Variants in IFITM10 observed in about 807,000 individuals in gnomAD.
IFITM10 encodes the protein interferon-induced transmembrane protein 10.
A neutral mutation model predicts 19.0 loss-of-function variants in IFITM10; 17 were observed. The ratio of observed to expected loss-of-function variants is 0.90; its 90% CI spans 0.61 to 1.34. The LOEUF (loss-of-function observed/expected upper bound fraction) is 1.34, where lower values mean the gene tolerates loss of function less well. Among genes scored for constraint, IFITM10 ranks in the 40% most tolerant of loss-of-function variants. The pLI is 0.00. For synonymous variants in IFITM10, 148 were observed against 147.2 expected, an observed-to-expected ratio of 1.01 and a Z score of -0.04; for missense variants, 306 against 319.8, an observed-to-expected ratio of 0.96 and a Z score of 0.33.
At chr11:1,735,479 C>T (rs530011626) in intron 2 of IFITM10, 50 bp from the exon 3 acceptor site, 6 of 1,527,366 alleles carry the variant, frequency 3.9e-6, no homozygotes, top group South Asian at 1.2e-5. Context: ...GGGAGCAGGG[C>T]CTTGGAGCAT....
chr11:1,745,549 T>G (rs975554033), intron 2 of IFITM10: 2 of 152,592 alleles, frequency 1.3e-5, no homozygotes, highest in African/African-American at 4.8e-5. Context: ...TGCACACACA[T>G]TTACACGTAC....
In IFITM10 at chr11:1,747,721, G is replaced by A. The variant is rs2133650583; in HGVS notation, c.483C>T (p.Phe161=). 6.4e-7 allele frequency: 1 copy of A among 1,551,822 alleles called. No homozygotes were observed. Reference sequence around the variant, plus strand: ...CCAGGCAGCAGAAGTTGAGGTAGACGAAGTTGAAGATGGACCACAGGTAAT... The same window carrying A: ...CCAGGCAGCAGAAGTTGAGGTAGACAAAGTTGAAGATGGACCACAGGTAAT... ...NDYYLWSIFN[F]VYLNFCCLGF... is the part of the protein sequence containing the mutation. Residue 161 remains phenylalanine (F), a synonymous_variant, in exon 2 of 3, where the codon TTC becomes TTT. Coordinates refer to ENST00000340134, the MANE Select transcript of IFITM10 (RefSeq NM_001170820.4).
chr11:1,748,293 G>C, intron 1 of IFITM10, 174 bp from the exon 2 acceptor site: 1 of 462,962 alleles, frequency 2.2e-6, no homozygotes, highest in Non-Finnish European at 3.6e-6. Flanking sequence ...GGCCACGGAC[G>C]ATGCCAAAGC....
Position 1,735,334 on chromosome 11 carries a change from G to A in IFITM10, c.633C>T (p.Ala211=). The change falls in exon 3 of 3, where the codon GCC becomes GCT. Residue 211 remains alanine (A), a synonymous_variant. Coordinates refer to ENST00000340134, the MANE Select transcript of IFITM10 (RefSeq NM_001170820.4). ...LFNITSSALA[A]SCIILVFIFL... is the part of the protein sequence containing the mutation. ...AGATGAAGACGAGGATGATGCAGGA[G>A]GCTGCCAGGGCAGAACTGGTGATGT... 1 of 1,551,752 alleles carries A rather than the reference G, an allele frequency of 6.4e-7. No individual in the cohort carries two copies. Among genetic ancestry groups the A allele is most frequent in the Non-Finnish European group, 8.7e-7 (1 of 1,146,994 alleles).
chr11:1,738,063 G>T (rs543581327), intron 2 of IFITM10, among the ~76,000 whole-genome samples: 4 of 152,176 alleles, frequency 2.6e-5, no homozygotes, highest in Admixed American at 1.3e-4. Context: ...TCTAATGATC[G>T]GGAAGGTGGG....
At chr11:1,747,640 T>C (rs1344194090) in intron 2 of IFITM10, 27 bp downstream of exon 2, 1 of 1,547,512 alleles carries the variant, frequency 6.5e-7, no homozygotes, top group Non-Finnish European at 8.7e-7. Flanking sequence ...TAGCCCGCCC[T>C]TGCCCCCTGC....
chr11:1,739,918 G>T (rs1272645575), intron 2 of IFITM10, among the ~76,000 whole-genome samples: 1 of 152,138 alleles, frequency 6.6e-6, no homozygotes, highest in African/African-American at 2.4e-5. Context: ...CACGGTGCAG[G>T]CTCTGTGGGT....
intron 2 of IFITM10, among the ~76,000 whole-genome samples, chr11:1,741,744 G>A (rs1477493266): frequency 6.6e-6 from 1 of 152,102 alleles, no homozygotes; most frequent in African/African-American, 2.4e-5. Context: ...ACATATAAGT[G>A]GATGAAAGGG....
At chr11:1,736,841 G>C (rs1359682459) in intron 2 of IFITM10, among the ~76,000 whole-genome samples, 2 of 151,990 alleles carry the variant, frequency 1.3e-5, no homozygotes, top group Non-Finnish European at 2.9e-5. Context: ...GGATGGAGTG[G>C]AGTCAATGGA....
chr11:1,748,215 G>T, intron 1 of IFITM10, 96 bp from the exon 2 acceptor site: 1 of 973,572 alleles, frequency 1.0e-6, no homozygotes, highest in Non-Finnish European at 1.3e-6. Context: ...AGTGGAGACG[G>T]AAATCCCTGC....
chr11:1,735,691 A>T (rs886785077), intron 2 of IFITM10, among the ~76,000 whole-genome samples: 4 of 152,190 alleles, frequency 2.6e-5, no homozygotes, highest in Non-Finnish European at 5.9e-5. Context: ...AGATGTATTT[A>T]TATATATAGA....
chr11:1,747,911 G>C lies in IFITM10; in HGVS notation c.293C>G (p.Pro98Arg). The C allele has an allele frequency of 1.3e-6, 2 of 1,498,556 alleles. No homozygotes were observed. The highest frequency in any genetic ancestry group is 1.8e-6 in the Non-Finnish European group (2 of 1,119,220). The allele number at this position is 1,498,556 out of a possible 1,614,324, so 92.8% of individuals were successfully genotyped here. A position where few individuals can be genotyped will look rare whatever the true frequency, so the allele number is the denominator to read the frequency against. Residue 98 changes from proline (P) to arginine (R), a missense_variant, in exon 2 of 3, where the codon CCG (proline) becomes CGG (arginine). Coordinates refer to ENST00000340134, the MANE Select transcript of IFITM10 (RefSeq NM_001170820.4). ...CATGGGGAACAGTGTGGGCGCCATCGGGGGAGAGGCCGAGGGCTCAGGGGC... is the reference window on the plus strand; with the variant it reads ...CATGGGGAACAGTGTGGGCGCCATCCGGGGAGAGGCCGAGGGCTCAGGGGC... ...APAPEPSASP[P>R]MAPTLFPMES...
chr11:1,737,407 T>G (rs909329208), intron 2 of IFITM10, among the ~76,000 whole-genome samples: 1 of 152,200 alleles, frequency 6.6e-6, no homozygotes, highest in Non-Finnish European at 1.5e-5. Flanking sequence ...GCATAGAGGT[T>G]AAAGCACAGA....
rs1435400953 is a variant in IFITM10 at position 1,733,065 on chromosome 11, C to A, written c.*2215G>T. On this transcript the variant is annotated 3_prime_UTR_variant, in exon 3 of 3. Coordinates refer to ENST00000340134, the MANE Select transcript of IFITM10 (RefSeq NM_001170820.4). The surrounding 1 kb of genome is among the most constrained non-coding windows in gnomAD (Gnocchi z 6.3). The stretch of plus-strand genomic sequence containing the variant: ...GCCAGGACCCTCTCTCTTCCAAGGC[C>A]CAGCAGCCTCTGCCATCCTCTTCCA... 2 of 152,590 alleles carry A rather than the reference C, an allele frequency of 1.3e-5. No homozygotes were observed. The highest frequency in any genetic ancestry group is 2.9e-5 in the Non-Finnish European group (2 of 68,406). 9.5% of individuals were successfully genotyped at this position (152,590 alleles called of 1,614,324 possible).
intron 2 of IFITM10, among the ~76,000 whole-genome samples, chr11:1,738,124 G>T (rs991477653): frequency 6.6e-6 from 1 of 152,152 alleles, no homozygotes; most frequent in African/African-American, 2.4e-5. Context: ...ATGGGACAGA[G>T]AAATGGATGT....
Position 1,734,102 on chromosome 11 carries a change from C to G in IFITM10, c.*1178G>C, listed in dbSNP as rs567789396. The G allele has an allele frequency of 4.6e-5, 7 of 152,522 alleles. No individual in the cohort carries two copies. Among genetic ancestry groups the G allele is most frequent in the Admixed American group, 4.6e-4 (7 of 15,290 alleles). 9.4% of individuals were successfully genotyped at this position (152,522 alleles called of 1,614,324 possible). A position where few individuals can be genotyped will look rare whatever the true frequency, so the allele number is the denominator to read the frequency against. On this transcript the variant is annotated 3_prime_UTR_variant, in exon 3 of 3. Coordinates refer to ENST00000340134, the MANE Select transcript of IFITM10 (RefSeq NM_001170820.4). ...AGCTCCACACCCATGGCCACTGCCT[C>G]GGCTTCTTCTCCATCTTCACCTCCC...
chr11:1,744,167 G>C (rs1439316026), intron 2 of IFITM10, among the ~76,000 whole-genome samples: 4 of 152,208 alleles, frequency 2.6e-5, no homozygotes, highest in Non-Finnish European at 5.9e-5. Context: ...ACACTGTGGT[G>C]CTTCTTCCGT....
At chr11:1,748,963 G>A in intron 1 of IFITM10, 1 of 859,736 alleles carries the variant, frequency 1.2e-6, no homozygotes, top group Non-Finnish European at 1.4e-6. Context: ...AGGCTCTGCA[G>A]CCCCCAGCCC....
chr11:1,741,864 A>T (rs887390033), intron 2 of IFITM10, among the ~76,000 whole-genome samples: 2 of 152,130 alleles, frequency 1.3e-5, no homozygotes, highest in African/African-American at 4.8e-5. Context: ...CATGCGTGGG[A>T]TTGGCACCCT....
Sources: gnomAD v4.1 joint callset for allele counts (sites outside exome capture counted in the v4.1 genomes callset) on GRCh38, gnomAD v4.1.1 for gene constraint, Gnocchi (gnomAD v3.1) non-coding constraint, MANE v1.5 for transcripts, NCBI Gene and HGNC (gene_info 2026-07-23, HGNC 2026-07-21) for gene names.